Variants in PIK3R2 observed in about 807,000 individuals in gnomAD.
The protein encoded by PIK3R2 is phosphoinositide-3-kinase regulatory subunit 2.
In PIK3R2, 40 loss-of-function variants were observed where a neutral mutation model predicts 78.5. The observed-to-expected ratio is 0.51, with a 90% CI of 0.40 to 0.66. The LOEUF (loss-of-function observed/expected upper bound fraction) is 0.66, where lower values mean the gene tolerates loss of function less well. Among genes scored for constraint, PIK3R2 ranks in the 30% least tolerant of loss-of-function variants. The pLI is 0.00. For missense variants in PIK3R2, 880 were observed against 1,026.6 expected (o/e 0.86, Z 1.95); for synonymous variants, 473 against 457.7 (o/e 1.03, Z -0.43).
chr19:18,166,437 G>T, intron 12 of PIK3R2, 135 bp downstream of exon 12: 1 of 725,904 alleles, frequency 1.4e-6, no homozygotes, highest in Non-Finnish European at 2.3e-6. Flanking sequence ...TGGGCCTGGT[G>T]CGATGGCTCA....
At position 18,167,344 on chromosome 19, in the gene PIK3R2, C is replaced by A. The variant is rs756069673; in HGVS notation, c.1736+38C>A. 2.7e-6 allele frequency: 4 copies of A among 1,494,372 alleles called. No individual in the cohort carries two copies. The African/African-American group carries it at 5.7e-5, about 21-fold the overall frequency. The allele number at this position is 1,494,372 out of a possible 1,614,324, so 92.6% of individuals were successfully genotyped here. Reference sequence around the variant, plus strand: ...TCCATACTTCCCTGCGGCTCCCTGGCGACTGCTGCGGCACATGGAGATCTC... The same window carrying A: ...TCCATACTTCCCTGCGGCTCCCTGGAGACTGCTGCGGCACATGGAGATCTC... On this transcript the variant is annotated intron_variant, in intron 13 of 15. Coordinates refer to ENST00000222254, the MANE Select transcript of PIK3R2 (RefSeq NM_005027.4). This position sits in a 1 kb window ranked among gnomAD's most constrained non-coding sequence, Gnocchi z 4.5.
At position 18,160,455 on chromosome 19, in the gene PIK3R2, C is replaced by A; in HGVS notation, c.323-16C>A. ...GGAACCCCACCAACATGCAACCCCC[C>A]TGTTTCCCCCACCAGGCCTCACACT... is the stretch of plus-strand genomic sequence containing the variant. On this transcript the variant is annotated splice_polypyrimidine_tract_variant and intron_variant, in intron 2 of 15. Coordinates refer to ENST00000222254, the MANE Select transcript of PIK3R2 (RefSeq NM_005027.4). The A allele has an allele frequency of 6.6e-7, 1 of 1,524,256 alleles. No homozygotes were observed. The highest frequency in any genetic ancestry group is 9.1e-7 in the Non-Finnish European group (1 of 1,098,050). The allele number at this position is 1,524,256 out of a possible 1,614,324, so 94.4% of individuals were successfully genotyped here. A position where few individuals can be genotyped will look rare whatever the true frequency, so the allele number is the denominator to read the frequency against.
At chr19:18,155,180 G>C (rs566152887) in intron 1 of PIK3R2, among the ~76,000 whole-genome samples, 92 of 126,444 alleles carry the variant, frequency 7.3e-4, no homozygotes, top group Non-Finnish European at 4.3e-4. Flanking sequence ...CTGGGTGACA[G>C]AGCAAGACTC....
rs1967141272 is a variant in PIK3R2 at position 18,169,813 on chromosome 19, C to T, written c.*519C>T. ...ATTCGGGGCCGGGCGGGACCCGCCCCACAGACTCCAACTTCCCCTCCAAAC... is the reference window on the plus strand; with the variant it reads ...ATTCGGGGCCGGGCGGGACCCGCCCTACAGACTCCAACTTCCCCTCCAAAC... On this transcript the variant is annotated 3_prime_UTR_variant, in exon 16 of 16. Transcript: ENST00000222254. 4.8e-6 allele frequency: 1 copy of T among 206,456 alleles called. No individual in the cohort carries two copies. 12.8% of individuals were successfully genotyped at this position (206,456 alleles called of 1,614,324 possible).
intron 2 of PIK3R2, among the ~76,000 whole-genome samples, chr19:18,159,260 A>G (rs564270105): frequency 2.1e-5 from 3 of 145,846 alleles, no homozygotes; most frequent in Admixed American, 7.0e-5. Flanking sequence ...CAAAGTGTTG[A>G]GATTACAGAC....
chr19:18,158,210 C>T (rs1012302832), intron 2 of PIK3R2, among the ~76,000 whole-genome samples: 1 of 152,110 alleles, frequency 6.6e-6, no homozygotes, highest in Admixed American at 6.6e-5. Context: ...AGAAGCGGGC[C>T]GGGCACAGTG....
Position 18,169,649 on chromosome 19 carries a change from C to T in PIK3R2, c.*355C>T, listed in dbSNP as rs1233654582. 2 of 242,808 alleles carry T rather than the reference C, an allele frequency of 8.2e-6. No individual in the cohort carries two copies. The highest frequency in any genetic ancestry group is 1.6e-5 in the Non-Finnish European group (2 of 124,802). 15.0% of individuals were successfully genotyped at this position (242,808 alleles called of 1,614,324 possible). On this transcript the variant is annotated 3_prime_UTR_variant, in exon 16 of 16. Transcript: ENST00000222254. ...TCCCCCGGGGTCCCGGAAGCCCCTT[C>T]TGGCTGCACCTGCCATGTTTACAGA...
chr19:18,157,685 A>G (rs2043692161), intron 2 of PIK3R2, among the ~76,000 whole-genome samples: 1 of 143,626 alleles, frequency 7.0e-6, no homozygotes, highest in Admixed American at 6.9e-5. Flanking sequence ...GAGTTTCCCA[A>G]CCCACCGGCC....
At position 18,161,235 on chromosome 19, in the gene PIK3R2, A is replaced by G. The variant is rs2147950431; in HGVS notation, c.599-44A>G. On this transcript the variant is annotated intron_variant, in intron 5 of 15. Transcript: ENST00000222254. The surrounding 1 kb of genome is among the most constrained non-coding windows in gnomAD (Gnocchi z 5.3). ...GAAGGAGGGGGCTGTAGCGGGTGGG[A>G]GGGCCCAGGCCTGGCTCACCCTGCC... is the stretch of plus-strand genomic sequence containing the variant. 6.6e-7 allele frequency: 1 copy of G among 1,510,580 alleles called. No homozygotes were observed. The highest frequency in any genetic ancestry group is 8.8e-7 in the Non-Finnish European group (1 of 1,133,060). The allele number at this position is 1,510,580 out of a possible 1,614,324, so 93.6% of individuals were successfully genotyped here. A position where few individuals can be genotyped will look rare whatever the true frequency, so the allele number is the denominator to read the frequency against.
In PIK3R2 at chr19:18,161,450, C is replaced by G. The variant is rs2043745080; in HGVS notation, c.770C>G (p.Ala257Gly). ...ACCTTTGGGCCGCTGCTGCTGCGCG[C>G]GCCGCCGCCGCCGTCCTCGCCGCCG... ...GATFGPLLLR[A>G]PPPPSSPPPG... The change falls in exon 6 of 16, where the codon GCG becomes GGG. Residue 257 changes from alanine (A) to glycine (G), a missense_variant. By Grantham distance (60) the Ala-to-Gly change is moderately conservative. Around this residue, in one of 3 missense-constraint regions of PIK3R2, gnomAD observed 456 missense variants for 486.6 expected, o/e 0.94. Transcript: ENST00000222254. The surrounding 1 kb of genome is among the most constrained non-coding windows in gnomAD (Gnocchi z 5.3). The G allele has an allele frequency of 8.4e-7, 1 of 1,196,566 alleles. No homozygotes were observed. The highest frequency in any genetic ancestry group is 1.6e-5 in the African/African-American group (1 of 62,588). 74.1% of individuals were successfully genotyped at this position (1,196,566 alleles called of 1,614,324 possible). A position where few individuals can be genotyped will look rare whatever the true frequency, so the allele number is the denominator to read the frequency against.
chr19:18,161,643 G>T lies in PIK3R2; in HGVS notation c.815+148G>T. ...GCTGCGTTCTTGTGATGACGGAGCG[G>T]AGACCTGGGCTCCTGAGTCGTGGGA... On this transcript the variant is annotated intron_variant, in intron 6 of 15. Transcript: ENST00000222254. The surrounding 1 kb of genome is among the most constrained non-coding windows in gnomAD (Gnocchi z 5.3). 5.9e-6 allele frequency: 3 copies of T among 510,398 alleles called. No individual in the cohort carries two copies. Among genetic ancestry groups the T allele is most frequent in the Non-Finnish European group, 1.0e-5 (3 of 297,618 alleles). 31.6% of individuals were successfully genotyped at this position (510,398 alleles called of 1,614,324 possible). A position where few individuals can be genotyped will look rare whatever the true frequency, so the allele number is the denominator to read the frequency against.
At chr19:18,154,234 G>T (rs937361294) in intron 1 of PIK3R2, among the ~76,000 whole-genome samples, 2 of 152,084 alleles carry the variant, frequency 1.3e-5, no homozygotes, top group African/African-American at 4.8e-5. Context: ...GCAGGGCTAG[G>T]CTGGGAATGT....
chr19:18,159,100 C>A (rs757703447), intron 2 of PIK3R2, among the ~76,000 whole-genome samples: 7 of 135,916 alleles, frequency 5.2e-5, no homozygotes, highest in Non-Finnish European at 1.1e-4. Context: ...CCTCGGCCTC[C>A]CAAAGTGCTG....
At chr19:18,160,421 C>T (rs754988648) in intron 2 of PIK3R2, 50 bp from the exon 3 acceptor site, 1 of 1,104,616 alleles carries the variant, frequency 9.1e-7, no homozygotes, top group Non-Finnish European at 1.4e-6. Flanking sequence ...AGGGGCTGGG[C>T]TCCTTCCAGG....
At position 18,167,053 on chromosome 19, in the gene PIK3R2, C is replaced by G; in HGVS notation, c.1560-77C>G. ...CGGGAGGCTGAGGTAGGAGGGTCAC[C>G]TGAGCCCAGGAGTTTGAGGGTGCAG... On this transcript the variant is annotated intron_variant, in intron 12 of 15. Transcript: ENST00000222254. This position sits in a 1 kb window ranked among gnomAD's most constrained non-coding sequence, Gnocchi z 4.5. The G allele has an allele frequency of 7.5e-7, 1 of 1,326,486 alleles. No homozygotes were observed. Among genetic ancestry groups the G allele is most frequent in the Non-Finnish European group, 1.0e-6 (1 of 996,948 alleles). 82.2% of individuals were successfully genotyped at this position (1,326,486 alleles called of 1,614,324 possible). A position where few individuals can be genotyped will look rare whatever the true frequency, so the allele number is the denominator to read the frequency against.
At chr19:18,162,095 T>TAA in intron 7 of PIK3R2, 44 bp downstream of exon 7, 1 of 1,570,384 alleles carries the variant, frequency 6.4e-7, no homozygotes, top group South Asian at 1.1e-5. Context: ...TTGGGGGCCG[T>TAA]AAATACTGAT....
chr19:18,156,037 G>C lies in PIK3R2; in HGVS notation c.158G>C (p.Ser53Thr), dbSNP rs1232471298. 4.4e-5 allele frequency: 69 copies of C among 1,560,756 alleles called. No homozygotes were observed. The highest frequency in any genetic ancestry group is 5.7e-5 in the Non-Finnish European group (66 of 1,153,122). The stretch of plus-strand genomic sequence containing the variant: ...GAGGGTGGCGAGCGCTGCCCACAGA[G>C]CGTGGGCTGGATGCCCGGCCTCAAC... ...VAEGGERCPQ[S>T]VGWMPGLNER... Residue 53 changes from serine (S) to threonine (T), a missense_variant, in exon 2 of 16, where the codon AGC becomes ACC. Around this residue, in one of 3 missense-constraint regions of PIK3R2, gnomAD observed 456 missense variants for 486.6 expected, o/e 0.94. Coordinates refer to ENST00000222254, the MANE Select transcript of PIK3R2 (RefSeq NM_005027.4). The surrounding 1 kb of genome is among the most constrained non-coding windows in gnomAD (Gnocchi z 4.2).
At chr19:18,163,200 T>C in intron 10 of PIK3R2, 53 bp downstream of exon 10, 1 of 1,613,614 alleles carries the variant, frequency 6.2e-7, no homozygotes, top group Non-Finnish European at 8.5e-7. Context: ...GCCCCAGGCC[T>C]CAGTTTCCTA....
rs756652056 is a variant in PIK3R2, at chr19:18,169,070, CTCG to C, written c.1980-14_1980-12del. 2 of 1,605,270 alleles carry C rather than the reference CTCG, an allele frequency of 1.2e-6. No homozygotes were observed. The highest frequency in any genetic ancestry group is 2.2e-5 in the South Asian group (2 of 90,932). On this transcript the variant is annotated splice_polypyrimidine_tract_variant and intron_variant, in intron 15 of 15. Coordinates refer to ENST00000222254, the MANE Select transcript of PIK3R2 (RefSeq NM_005027.4). Reference sequence around the variant, plus strand: ...GGAGGCCAGCCTTCCGACTCCCCCTCTCGTCTGCCCCCACAGAGTGGACGGCGA... The same window carrying C: ...GGAGGCCAGCCTTCCGACTCCCCCTCTCTGCCCCCACAGAGTGGACGGCGA...
Sources: allele counts gnomAD v4.1 joint callset (sites outside exome capture counted in the v4.1 genomes callset), GRCh38; gene constraint gnomAD v4.1.1; regional missense constraint gnomAD v4.1.1; non-coding constraint Gnocchi (gnomAD v3.1); transcripts MANE v1.5; gene names NCBI Gene and HGNC (gene_info 2026-07-23, HGNC 2026-07-21).